PATJ: variants seen among roughly 807,000 people sequenced by gnomAD.
PATJ encodes PATJ crumbs cell polarity complex component, also known as inaD-like protein.
PATJ carries 190 observed loss-of-function variants against 224.9 expected under a neutral mutation model. The observed-to-expected ratio is 0.84, with a 90% CI of 0.75 to 0.95. The LOEUF (loss-of-function observed/expected upper bound fraction) is 0.95, where lower values mean the gene tolerates loss of function less well. Among genes scored for constraint, PATJ ranks in the 40% least tolerant of loss-of-function variants. The pLI, the probability that PATJ is intolerant of heterozygous loss-of-function variation, is 0.00. For missense variants in PATJ, 2,121 were observed against 2,270.3 expected (o/e 0.93, Z 1.34); for synonymous variants, 769 against 820.3 (o/e 0.94, Z 1.07).
intron 25 of PATJ, among the ~76,000 whole-genome samples, chr1:61,911,519 T>TAA (rs920349243): frequency 2.6e-5 from 4 of 152,068 alleles, no homozygotes; most frequent in African/African-American, 9.6e-5. Flanking sequence ...TAAATCTTCT[T>TAA]ACCCTGACTT....
At chr1:62,112,516 A>C (rs1353297837) in intron 34 of PATJ, among the ~76,000 whole-genome samples, 2 of 152,184 alleles carry the variant, frequency 1.3e-5, no homozygotes, top group East Asian at 3.9e-4. Context: ...AAAAGAAAAA[A>C]AGAAAAAGCC....
chr1:62,016,906 T>C (rs1244799519), intron 28 of PATJ, among the ~76,000 whole-genome samples: 1 of 152,210 alleles, frequency 6.6e-6, no homozygotes, highest in Non-Finnish European at 1.5e-5. Flanking sequence ...ATTTGGTCTG[T>C]TTTCAACATT....
chr1:61,821,332 T>C (rs1657228632), intron 14 of PATJ, among the ~76,000 whole-genome samples: 2 of 152,158 alleles, frequency 1.3e-5, no homozygotes, highest in Non-Finnish European at 2.9e-5. Flanking sequence ...GCGTGAGCTA[T>C]CATGCCCGGC....
At chr1:61,795,840 C>A (rs1203820044) in intron 10 of PATJ, among the ~76,000 whole-genome samples, 7 of 152,008 alleles carry the variant, frequency 4.6e-5, no homozygotes, top group Admixed American at 4.6e-4. Context: ...TCCTAGAAAA[C>A]CCTGCGAGGA....
At position 61,957,633 on chromosome 1, in the gene PATJ, C is replaced by T. The variant is rs530472722; in HGVS notation, c.3670+29804C>T. 2.0e-5 allele frequency among the ~76,000 whole-genome samples: 3 copies of T among 152,166 alleles called. 1 individual carries two copies. Among genetic ancestry groups the T allele is most frequent in the East Asian group, 1.9e-4 (1 of 5,184 alleles). ...AGTAGAAGTTTTCCACTTTGTGACC[C>T]GTGAACCTTTGGTGCAGCATGTGGC... On this transcript the variant is annotated intron_variant, in intron 27 of 43. Transcript: ENST00000642238.
intron 18 of PATJ, 35 bp downstream of exon 18, chr1:61,856,274 A>G (rs1205318948): frequency 1.3e-6 from 2 of 1,523,552 alleles, no homozygotes; most frequent in Admixed American, 3.3e-5. Flanking sequence ...AGGAAGTGAT[A>G]ATAGTGCAAC....
intron 35 of PATJ, 75 bp downstream of exon 35, chr1:62,114,321 A>C: frequency 7.8e-7 from 1 of 1,284,608 alleles, no homozygotes; most frequent in Non-Finnish European, 1.1e-6. Context: ...CTGAAAGAGA[A>C]AGCCTAATGT....
chr1:61,765,065 CA>C (rs1468238660), intron 3 of PATJ, among the ~76,000 whole-genome samples: 2 of 16,996 alleles, frequency 1.2e-4, no homozygotes, highest in African/African-American at 2.5e-4. Context: ...TATTGACATT[CA>C]TTTTTTTTTT....
At chr1:61,896,434 G>A (rs1224473018) in intron 22 of PATJ, among the ~76,000 whole-genome samples, 1 of 152,122 alleles carries the variant, frequency 6.6e-6, no homozygotes, top group Non-Finnish European at 1.5e-5. Context: ...TACCCCCATT[G>A]TATCTTGGGA....
intron 26 of PATJ, among the ~76,000 whole-genome samples, chr1:61,921,283 G>A (rs1172229802): frequency 2.0e-5 from 3 of 152,126 alleles, no homozygotes; most frequent in Admixed American, 1.3e-4. Context: ...ATGAGGAAAA[G>A]TGTCATTAGG....
intron 31 of PATJ, among the ~76,000 whole-genome samples, chr1:62,073,776 G>A (rs567306120): frequency 6.6e-6 from 1 of 152,136 alleles, no homozygotes; most frequent in South Asian, 2.1e-4. Flanking sequence ...GCTTGCTTGA[G>A]CCCAGGAATT....
At chr1:61,872,068 A>G (rs990964958) in intron 20 of PATJ, among the ~76,000 whole-genome samples, 18 of 152,226 alleles carry the variant, frequency 1.2e-4, no homozygotes, top group African/African-American at 4.1e-4. Context: ...CCAGATTTGG[A>G]TATCAATTTT....
intron 41 of PATJ, among the ~76,000 whole-genome samples, chr1:62,146,029 A>C (rs1668008913): frequency 6.6e-6 from 1 of 152,150 alleles, no homozygotes; most frequent in African/African-American, 2.4e-5. Context: ...GGGAAGGGGA[A>C]CATGAAACAT....
intron 28 of PATJ, among the ~76,000 whole-genome samples, chr1:61,994,423 C>A (rs1477991092): frequency 6.6e-6 from 1 of 152,022 alleles, no homozygotes; most frequent in East Asian, 1.9e-4. Context: ...TAGCTCAGTT[C>A]TTTTTAGTTC....
At chr1:61,791,189 A>G (rs897374507) in intron 8 of PATJ, among the ~76,000 whole-genome samples, 159 bp from the exon 9 acceptor site, 11 of 152,220 alleles carry the variant, frequency 7.2e-5, no homozygotes, top group African/African-American at 2.2e-4. Context: ...TATGGCATCA[A>G]TATGGGAGTA....
At chr1:62,117,033 C>A (rs1393768026) in intron 36 of PATJ, 99 bp from the exon 37 acceptor site, 2 of 989,054 alleles carry the variant, frequency 2.0e-6, no homozygotes, top group Admixed American at 2.1e-5. Context: ...CTTTCATTAC[C>A]CTTTTATAAT....
rs920251070 is a variant in PATJ, at chr1:62,097,026, G to A, written c.4378-11411G>A. On this transcript the variant is annotated intron_variant, in intron 33 of 43. Coordinates refer to ENST00000642238, the MANE Select transcript of PATJ (RefSeq NM_001350145.3). Reference sequence around the variant, plus strand: ...TGTGATTTAGCTGACACTTTACTTGGCATATAACCCCATCTCATCCTGAAA... The same window carrying A: ...TGTGATTTAGCTGACACTTTACTTGACATATAACCCCATCTCATCCTGAAA... Among the ~76,000 whole-genome samples, 3 of 152,050 alleles carry A rather than the reference G, an allele frequency of 2.0e-5. No homozygotes were observed. The East Asian group carries it at 5.8e-4, about 29-fold the overall frequency.
At chr1:61,817,683 A>C (rs1408944401) in intron 14 of PATJ, among the ~76,000 whole-genome samples, 1 of 152,094 alleles carries the variant, frequency 6.6e-6, no homozygotes, top group East Asian at 1.9e-4. Context: ...AATAAAATAA[A>C]ATTTTGGAAG....
At chr1:62,051,797 A>G (rs1052614699) in intron 31 of PATJ, among the ~76,000 whole-genome samples, 4 of 152,208 alleles carry the variant, frequency 2.6e-5, no homozygotes, top group Non-Finnish European at 4.4e-5. Context: ...GCAGTTTTAG[A>G]GAACTCTTTC....
Sources: allele counts gnomAD v4.1 joint callset (sites outside exome capture counted in the v4.1 genomes callset), GRCh38; gene constraint gnomAD v4.1.1; transcripts MANE v1.5; gene names NCBI Gene and HGNC (gene_info 2026-07-23, HGNC 2026-07-21).